The following ENPP3 variants were observed in gnomAD, a reference collection of about 807,000 sequenced individuals.
ENPP3 encodes ectonucleotide pyrophosphatase/phosphodiesterase 3.
ENPP3 carries 104 observed loss-of-function variants against 117.8 expected under a neutral mutation model. That is an observed-to-expected ratio of 0.88 (90% CI 0.75 to 1.04). The LOEUF is 1.04. Among genes scored for constraint, ENPP3 ranks in the 50% least tolerant of loss-of-function variants. The pLI, the probability that ENPP3 is intolerant of heterozygous loss-of-function variation, is 0.00. For missense variants in ENPP3, 1,026 were observed against 1,051.9 expected (o/e 0.98, Z 0.34); for synonymous variants, 380 against 349.9 (o/e 1.09, Z -0.96).
At position 131,724,092 on chromosome 6, in the gene ENPP3, G is replaced by A. The variant is rs376420377; in HGVS notation, c.1798+1G>A. 6.2e-7 allele frequency: 1 copy of A among 1,603,824 alleles called. No homozygotes were observed. Among genetic ancestry groups the A allele is most frequent in the Non-Finnish European group, 8.5e-7 (1 of 1,171,416 alleles). ...ATGCTAAATCTCACCCAAGAAGAAA[G>A]TAAGTCAATAGAAAACATGTTAAGT... On this transcript the variant is annotated splice_donor_variant, in intron 19 of 24. Coordinates refer to ENST00000357639, the MANE Select transcript of ENPP3 (RefSeq NM_005021.5). LOFTEE classifies it high-confidence loss of function.
intron 15 of ENPP3, among the ~76,000 whole-genome samples, chr6:131,696,023 G>T (rs1433410786): frequency 6.6e-6 from 1 of 152,124 alleles, no homozygotes; most frequent in Admixed American, 6.5e-5. Flanking sequence ...ATCATTTTTA[G>T]TAATAATGTG....
intron 5 of ENPP3, among the ~76,000 whole-genome samples, chr6:131,654,209 C>G (rs1778331349): frequency 1.3e-5 from 2 of 151,890 alleles, no homozygotes; most frequent in African/African-American, 4.8e-5. Context: ...TCATAGCTCA[C>G]TGCAGCCTCA....
chr6:131,718,089 A>G (rs1779936494), intron 15 of ENPP3, among the ~76,000 whole-genome samples: 1 of 152,202 alleles, frequency 6.6e-6, no homozygotes, highest in African/African-American at 2.4e-5. Context: ...TTCTCAGAAC[A>G]TATTCCTGCC....
chr6:131,683,862 T>C (rs1779087347), intron 12 of ENPP3, among the ~76,000 whole-genome samples: 1 of 151,034 alleles, frequency 6.6e-6, no homozygotes, highest in Non-Finnish European at 1.5e-5. Context: ...GCCATTCTCC[T>C]GCCTCAACCT....
At chr6:131,657,195 A>T (rs1057333776) in intron 5 of ENPP3, among the ~76,000 whole-genome samples, 3 of 152,194 alleles carry the variant, frequency 2.0e-5, no homozygotes, top group African/African-American at 7.2e-5. Context: ...CCTATAGTTC[A>T]TACTATAGGA....
chr6:131,735,734 C>G (rs2114566064), intron 21 of ENPP3, among the ~76,000 whole-genome samples: 1 of 152,230 alleles, frequency 6.6e-6, no homozygotes, highest in Admixed American at 6.5e-5. Flanking sequence ...CCTCAAGTTT[C>G]ATTCATGTTC....
intron 1 of ENPP3, 107 bp downstream of exon 1, chr6:131,637,569 A>AAT: frequency 1.7e-6 from 1 of 599,176 alleles, no homozygotes; most frequent in Non-Finnish European, 2.9e-6. Flanking sequence ...GTAAACTTTT[A>AAT]AGTAACTGTA....
intron 23 of ENPP3, among the ~76,000 whole-genome samples, chr6:131,738,753 T>G (rs1780458129): frequency 6.6e-6 from 1 of 152,164 alleles, no homozygotes; most frequent in Non-Finnish European, 1.5e-5. Flanking sequence ...TTAGAGAAGT[T>G]TCATCTACCA....
chr6:131,662,848 G>A (rs1296174382), intron 6 of ENPP3, among the ~76,000 whole-genome samples: 9 of 151,842 alleles, frequency 5.9e-5, no homozygotes, highest in African/African-American at 7.3e-5. Flanking sequence ...TTGTTTATAC[G>A]TCTTCCTTAA....
chr6:131,733,551 T>C, intron 20 of ENPP3, 37 bp from the exon 21 acceptor site: 1 of 1,596,522 alleles, frequency 6.3e-7, no homozygotes, highest in Non-Finnish European at 8.6e-7. Context: ...TGAGCCGCAA[T>C]TGTGGGCGTA....
At chr6:131,700,316 G>A in intron 15 of ENPP3, 1 of 290,936 alleles carries the variant, frequency 3.4e-6, no homozygotes. Flanking sequence ...GTCATTTAAA[G>A]GTAGGGCAGG....
intron 24 of ENPP3, 136 bp downstream of exon 24, chr6:131,740,516 T>G: frequency 1.8e-6 from 1 of 554,268 alleles, no homozygotes; most frequent in Non-Finnish European, 3.0e-6. Context: ...TGACTTCATT[T>G]TTAGGCTTTT....
chr6:131,640,755 C>T (rs1778024070), intron 1 of ENPP3, among the ~76,000 whole-genome samples: 1 of 152,138 alleles, frequency 6.6e-6, no homozygotes, highest in African/African-American at 2.4e-5. Flanking sequence ...CTCTGGACTT[C>T]ATGGAAGAGG....
At chr6:131,639,266 T>TATA (rs1454993724) in intron 1 of ENPP3, among the ~76,000 whole-genome samples, 1,873 of 60,438 alleles carry the variant, frequency 0.031, 43 homozygotes, top group African/African-American at 0.18. Flanking sequence ...TATATATATA[T>TATA]TTTTTTTTTT....
chr6:131,662,090 GAGTTCA>G (rs1778513755), intron 6 of ENPP3, among the ~76,000 whole-genome samples: 1 of 152,202 alleles, frequency 6.6e-6, no homozygotes, highest in South Asian at 2.1e-4. Flanking sequence ...TATAAGATCA[GAGTTCA>G]AGTTCATTTT....
At chr6:131,691,514 A>G (rs757935537) in intron 14 of ENPP3, among the ~76,000 whole-genome samples, 3 of 151,548 alleles carry the variant, frequency 2.0e-5, no homozygotes, top group Non-Finnish European at 4.4e-5. Context: ...GCTTGAACCC[A>G]GGAAGCAGAG....
Position 131,652,811 on chromosome 6 carries a change from T to G in ENPP3, c.404-20T>G, listed in dbSNP as rs1778292592. The G allele has an allele frequency of 1.9e-6, 3 of 1,610,814 alleles. No individual in the cohort carries two copies. The highest frequency in any genetic ancestry group is 2.5e-6 in the Non-Finnish European group (3 of 1,177,078). On this transcript the variant is annotated intron_variant, in intron 4 of 24. Transcript: ENST00000357639. ...TCTGTGCTGCAGCAAGTATCAAGAT[T>G]TTGATCTTATGCTTTTCAGGAGAAA...
At chr6:131,733,460 TA>T in intron 20 of ENPP3, 127 bp from the exon 21 acceptor site, 1 of 982,566 alleles carries the variant, frequency 1.0e-6, no homozygotes, top group Non-Finnish European at 1.5e-6. Flanking sequence ...ATTGCTTGCG[TA>T]GACCTGATTC....
chr6:131,737,532 T>C, intron 22 of ENPP3, 100 bp downstream of exon 22: 4 of 702,026 alleles, frequency 5.7e-6, no homozygotes, highest in Non-Finnish European at 9.9e-6. Flanking sequence ...GTTCCTGATA[T>C]TAAGGGTCAT....
Sources: gnomAD v4.1 joint callset for allele counts (sites outside exome capture counted in the v4.1 genomes callset) on GRCh38, gnomAD v4.1.1 for gene constraint, MANE v1.5 for transcripts, NCBI Gene and HGNC (gene_info 2026-07-23, HGNC 2026-07-21) for gene names.